FNDC3B: variants seen among roughly 807,000 people sequenced by gnomAD.
FNDC3B encodes the protein fibronectin type III domain containing 3B, also known as fibronectin type III domain-containing protein 3B.
In FNDC3B, 12 loss-of-function variants were observed where a neutral mutation model predicts 151.5. The ratio of observed to expected loss-of-function variants is 0.08; its 90% confidence interval spans 0.05 to 0.13. The LOEUF (loss-of-function observed/expected upper bound fraction) is 0.13, where lower values mean the gene tolerates loss of function less well. Ranked by LOEUF, FNDC3B falls within the 10% of genes least tolerant of loss-of-function variation. FNDC3B has a pLI of 1.00. For missense variants in FNDC3B, 1,214 were observed against 1,505.3 expected, an observed-to-expected ratio of 0.81 and a Z score of 3.20; for synonymous variants, 528 against 549.0, an observed-to-expected ratio of 0.96 and a Z score of 0.54.
intron 6 of FNDC3B, among the ~76,000 whole-genome samples, chr3:172,271,830 C>T (rs1164707235): frequency 1.3e-5 from 2 of 152,228 alleles, no homozygotes; most frequent in Non-Finnish European, 2.9e-5. Flanking sequence ...CGCATGCAAG[C>T]ATTCTGTACC....
rs2108401386 is a variant in FNDC3B at position 172,397,038 on chromosome 3, C to T, written c.3304-126C>T. The T allele has an allele frequency of 5.8e-6, 4 of 687,600 alleles. No individual in the cohort carries two copies. The East Asian group carries it at 1.1e-4, about 19-fold the overall frequency. The allele number at this position is 687,600 out of a possible 1,614,324, so 42.6% of individuals were successfully genotyped here. ...GATTGAGAGAAGTACATTTTTATAT[C>T]ATCTTTGTTATAAGAGTGAATGTGA... On this transcript the variant is annotated intron_variant, in intron 25 of 25. Transcript: ENST00000415807.
At chr3:172,126,592 G>A (rs1338844682) in intron 2 of FNDC3B, among the ~76,000 whole-genome samples, 1 of 152,212 alleles carries the variant, frequency 6.6e-6, no homozygotes, top group Non-Finnish European at 1.5e-5. Context: ...TTTCAACTTT[G>A]TAATGGTCTT....
At chr3:172,366,294 A>ATTG (rs1229955616) in intron 23 of FNDC3B, among the ~76,000 whole-genome samples, 1 of 152,120 alleles carries the variant, frequency 6.6e-6, no homozygotes. Context: ...TTATATTTTT[A>ATTG]TTGTTGTTGT....
chr3:172,093,908 A>T (rs764295443), intron 1 of FNDC3B, among the ~76,000 whole-genome samples: 1 of 152,234 alleles, frequency 6.6e-6, no homozygotes, highest in African/African-American at 2.4e-5. Flanking sequence ...AAACAGCTGT[A>T]TTGAGATATA....
intron 1 of FNDC3B, among the ~76,000 whole-genome samples, chr3:172,105,448 G>T (rs1257748876): frequency 6.6e-6 from 1 of 152,116 alleles, no homozygotes; most frequent in East Asian, 1.9e-4. Flanking sequence ...ACAAGAGTAT[G>T]TAGAGTATAG....
intron 1 of FNDC3B, among the ~76,000 whole-genome samples, chr3:172,069,730 TC>T (rs1248221625): frequency 6.6e-6 from 1 of 152,206 alleles, no homozygotes; most frequent in Admixed American, 6.5e-5. Flanking sequence ...TGGCTGACAA[TC>T]CCATTTAGTC....
At chr3:172,205,298 T>C (rs754984830) in intron 3 of FNDC3B, among the ~76,000 whole-genome samples, 12 of 152,086 alleles carry the variant, frequency 7.9e-5, no homozygotes, top group Non-Finnish European at 1.8e-4. Flanking sequence ...GCAGGGACAG[T>C]TGGGGTAGGA....
chr3:172,253,144 T>A (rs997559059), intron 6 of FNDC3B, among the ~76,000 whole-genome samples: 30 of 152,250 alleles, frequency 2.0e-4, no homozygotes, highest in African/African-American at 7.2e-4. Context: ...CATTCTTTAA[T>A]AATTTTCACC....
intron 1 of FNDC3B, among the ~76,000 whole-genome samples, chr3:172,083,924 C>G (rs1718413665): frequency 6.6e-6 from 1 of 152,068 alleles, no homozygotes; most frequent in Non-Finnish European, 1.5e-5. Context: ...GCATTGTGAC[C>G]TTAGTTTATT....
chr3:172,218,271 CAG>C (rs1310781419), intron 3 of FNDC3B, among the ~76,000 whole-genome samples: 1 of 151,598 alleles, frequency 6.6e-6, no homozygotes, highest in Non-Finnish European at 1.5e-5. Context: ...TTGGGAGACA[CAG>C]AGGACTAGGG....
intron 6 of FNDC3B, among the ~76,000 whole-genome samples, chr3:172,284,222 G>C (rs1366837240): frequency 1.3e-5 from 2 of 152,148 alleles, no homozygotes; most frequent in African/African-American, 4.8e-5. Context: ...CCTCCCTGTA[G>C]CCTGCTTTTG....
intron 1 of FNDC3B, among the ~76,000 whole-genome samples, chr3:172,078,351 C>T (rs1718124826): frequency 1.3e-5 from 2 of 152,168 alleles, no homozygotes; most frequent in Admixed American, 6.5e-5. Flanking sequence ...GGTGAGATGA[C>T]ACTTTGTACT....
chr3:172,371,853 T>G (rs1469310858), intron 23 of FNDC3B, among the ~76,000 whole-genome samples: 1 of 152,218 alleles, frequency 6.6e-6, no homozygotes, highest in African/African-American at 2.4e-5. Flanking sequence ...GAGGACTCCT[T>G]CAGCTTTTCC....
Position 172,310,853 on chromosome 3 carries a change from TCAC to T in FNDC3B, c.1229_1231del (p.Thr410del), listed in dbSNP as rs1342454491. ...GCACCAATTGACAACGGTTCAAAAA[TCAC>T]CAACTACCTTTTAGAGTGGGATGAG... On this transcript the variant is annotated inframe_deletion, in exon 11 of 26. Transcript: ENST00000415807. The T allele has an allele frequency of 6.2e-7, 1 of 1,612,710 alleles. No homozygotes were observed. The highest frequency in any genetic ancestry group is 1.7e-5 in the Admixed American group (1 of 60,030).
At chr3:172,310,057 C>T (rs1194329160) in intron 10 of FNDC3B, among the ~76,000 whole-genome samples, 1 of 152,128 alleles carries the variant, frequency 6.6e-6, no homozygotes, top group Non-Finnish European at 1.5e-5. Context: ...TGGTTGCTTC[C>T]CCCAACTTGT....
intron 19 of FNDC3B, 136 bp downstream of exon 19, chr3:172,344,394 G>A (rs1039651530): frequency 6.1e-6 from 4 of 652,466 alleles, no homozygotes; most frequent in Admixed American, 3.4e-5. Flanking sequence ...TGCAGTGTCT[G>A]TAAATCTTAA....
At chr3:172,217,500 A>G (rs1369472560) in intron 3 of FNDC3B, among the ~76,000 whole-genome samples, 1 of 152,244 alleles carries the variant, frequency 6.6e-6, no homozygotes, top group Non-Finnish European at 1.5e-5. Context: ...TGCTTTATGC[A>G]GTAGTTTGTT....
intron 1 of FNDC3B, among the ~76,000 whole-genome samples, chr3:172,068,298 C>T (rs1293873648): frequency 1.3e-5 from 2 of 152,176 alleles, no homozygotes; most frequent in African/African-American, 4.8e-5. Flanking sequence ...TAATGATGGA[C>T]TGGCTCGACC....
chr3:172,046,744 G>A (rs1716388105), intron 1 of FNDC3B, among the ~76,000 whole-genome samples: 1 of 152,186 alleles, frequency 6.6e-6, no homozygotes, highest in Non-Finnish European at 1.5e-5. Flanking sequence ...GTTCTAGTAA[G>A]TATCAAAGTG....
Sources: allele counts gnomAD v4.1 joint callset (sites outside exome capture counted in the v4.1 genomes callset), GRCh38; gene constraint gnomAD v4.1.1; transcripts MANE v1.5; gene names NCBI Gene and HGNC (gene_info 2026-07-23, HGNC 2026-07-21).